The following SERPINB13 variants were observed in gnomAD, a reference collection of about 807,000 sequenced individuals.
SERPINB13 encodes the protein serpin family B member 13, also known as serpin B13.
A neutral mutation model predicts 31.2 loss-of-function variants in SERPINB13; 26 were observed. The ratio of observed to expected loss-of-function variants is 0.83; its 90% CI spans 0.61 to 1.15. The LOEUF is 1.15. SERPINB13 is among the 50% of genes most tolerant of loss of function. The pLI is 0.00. For synonymous variants in SERPINB13, 191 were observed against 172.4 expected (o/e 1.11, Z -0.85); for missense variants, 510 against 469.4 (o/e 1.09, Z -0.80).
chr18:63,597,563 C>T lies in SERPINB13; in HGVS notation c.*200C>T. ...AAAGTGAAATGTCCTTTTCTTTGTG[C>T]CATGCGTAAGGTGAGTCAAACCAAA... is the stretch of plus-strand genomic sequence containing the variant. On this transcript the variant is annotated 3_prime_UTR_variant, in exon 8 of 8. Coordinates refer to ENST00000344731, the MANE Select transcript of SERPINB13 (RefSeq NM_012397.4). 3.4e-6 allele frequency: 2 copies of T among 592,304 alleles called. No homozygotes were observed. Among genetic ancestry groups the T allele is most frequent in the East Asian group, 5.9e-5 (2 of 33,970 alleles). 36.7% of individuals were successfully genotyped at this position (592,304 alleles called of 1,614,324 possible).
chr18:63,595,657 TA>T (rs1194870579), intron 7 of SERPINB13, among the ~76,000 whole-genome samples: 6 of 152,130 alleles, frequency 3.9e-5, no homozygotes, highest in African/African-American at 1.4e-4. Flanking sequence ...CCCAGCACTT[TA>T]GGAGGCTGAG....
At position 63,596,947 on chromosome 18, in the gene SERPINB13, T is replaced by G; in HGVS notation, c.772-12T>G. 6.3e-7 allele frequency: 1 copy of G among 1,580,180 alleles called. No homozygotes were observed. On this transcript the variant is annotated splice_polypyrimidine_tract_variant and intron_variant, in intron 7 of 7. Coordinates refer to ENST00000344731, the MANE Select transcript of SERPINB13 (RefSeq NM_012397.4). ...TAATCATGCCATTCTACTCTTCTTT[T>G]TTTGAAAATAGATAATAGATAAAAT...
Position 63,594,374 on chromosome 18 carries a change from C to A in SERPINB13, c.492C>A (p.Phe164Leu), listed in dbSNP as rs762507739. Residue 164 changes from phenylalanine (F) to leucine (L), a missense_variant, in exon 6 of 8, where the codon TTC (phenylalanine) becomes TTA (leucine). Coordinates refer to ENST00000344731, the MANE Select transcript of SERPINB13 (RefSeq NM_012397.4). ...SKTNEKIKDLFPDGSISSSTK... is the reference protein window; with the variant it reads ...SKTNEKIKDLLPDGSISSSTK... ...TTGCAGAAAAAATCAAGGACTTGTT[C>A]CCAGATGGCTCTATTAGTAGCTCTA... 1 of 1,613,946 alleles carries A rather than the reference C, an allele frequency of 6.2e-7. No individual in the cohort carries two copies. Among genetic ancestry groups the A allele is most frequent in the African/African-American group, 1.3e-5 (1 of 74,992 alleles).
chr18:63,598,448 C>T lies in SERPINB13; in HGVS notation c.*1085C>T, dbSNP rs2144421238. ...TATTAATATTCCCAATCCTAGGCAC[C>T]ACTGAGTTGTTTTCTGTCTTTATAA... On this transcript the variant is annotated 3_prime_UTR_variant, in exon 8 of 8. Transcript: ENST00000344731. 6.6e-6 allele frequency: 1 copy of T among 152,224 alleles called. No homozygotes were observed. Among genetic ancestry groups the T allele is most frequent in the African/African-American group, 2.4e-5 (1 of 41,542 alleles). The allele number at this position is 152,224 out of a possible 1,614,324, so 9.4% of individuals were successfully genotyped here.
At chr18:63,594,133 C>G in intron 5 of SERPINB13, 1 of 1,449,288 alleles carries the variant, frequency 6.9e-7, no homozygotes, top group Non-Finnish European at 9.2e-7. Context: ...AGTCTGGACT[C>G]TTAACCATGA....
chr18:63,598,997 C>T lies in SERPINB13; in HGVS notation c.*1634C>T, dbSNP rs916751144. 1 of 152,092 alleles carries T rather than the reference C, an allele frequency of 6.6e-6. No individual in the cohort carries two copies. Among genetic ancestry groups the T allele is most frequent in the Non-Finnish European group, 1.5e-5 (1 of 67,998 alleles). 9.4% of individuals were successfully genotyped at this position (152,092 alleles called of 1,614,324 possible). On this transcript the variant is annotated 3_prime_UTR_variant, in exon 8 of 8. Transcript: ENST00000344731. ...GTTTTAATTTGCATTTCCATAATAT[C>T]TAATTAGGTTGAGCTTTTTTTATGT...
At chr18:63,589,790 T>C (rs988855123) in intron 3 of SERPINB13, 75 bp downstream of exon 3, 8 of 1,607,264 alleles carry the variant, frequency 5.0e-6, no homozygotes, top group Non-Finnish European at 5.9e-6. Flanking sequence ...ATTTTAGGTG[T>C]GGGGTCTCTG....
At position 63,588,762 on chromosome 18, in the gene SERPINB13, T is replaced by G; in HGVS notation, c.95T>G (p.Val32Gly). Reference sequence around the variant, plus strand: ...GATGGCAACATCTTCTTTTCCCCTGTGGGCATCTTGACTGCAATTGGCATG... The same window carrying G: ...GATGGCAACATCTTCTTTTCCCCTGGGGGCATCTTGACTGCAATTGGCATG... ...TNDGNIFFSP[V>G]GILTAIGMVL... The change falls in exon 2 of 8, where the codon GTG becomes GGG. Residue 32 changes from valine to glycine, a missense_variant. Coordinates refer to ENST00000344731, the MANE Select transcript of SERPINB13 (RefSeq NM_012397.4). The G allele has an allele frequency of 1.2e-6, 2 of 1,614,182 alleles. No homozygotes were observed. Among genetic ancestry groups the G allele is most frequent in the African/African-American group, 2.7e-5 (2 of 75,054 alleles).
rs1911871035 is a variant in SERPINB13 at position 63,591,809 on chromosome 18, T to C, written c.226-539T>C. On this transcript the variant is annotated intron_variant, in intron 3 of 7. Transcript: ENST00000344731. ...TTAAGGTAACATAGAATATGAAAAC[T>C]TCAATCAGAAAACTGATGGGTCCTA... 2.0e-5 allele frequency among the ~76,000 whole-genome samples: 3 copies of C among 152,182 alleles called. No homozygotes were observed. The South Asian group carries it at 6.2e-4, about 32-fold the overall frequency.
intron 6 of SERPINB13, 70 bp from the exon 7 acceptor site, chr18:63,594,959 C>A: frequency 1.4e-6 from 2 of 1,408,668 alleles, no homozygotes; most frequent in Non-Finnish European, 1.9e-6. Flanking sequence ...TTTTGATGAA[C>A]TAACTTGGTT....
chr18:63,589,303 G>A (rs983684787), intron 2 of SERPINB13, among the ~76,000 whole-genome samples: 7 of 152,154 alleles, frequency 4.6e-5, no homozygotes, highest in African/African-American at 1.7e-4. Flanking sequence ...TTACAGGCAT[G>A]AGCTTAGCTG....
chr18:63,598,674 G>C lies in SERPINB13; in HGVS notation c.*1311G>C, dbSNP rs1483844525. 2 of 152,144 alleles carry C rather than the reference G, an allele frequency of 1.3e-5. No homozygotes were observed. The highest frequency in any genetic ancestry group is 2.9e-5 in the Non-Finnish European group (2 of 68,008). The allele number at this position is 152,144 out of a possible 1,614,324, so 9.4% of individuals were successfully genotyped here. A position where few individuals can be genotyped will look rare whatever the true frequency, so the allele number is the denominator to read the frequency against. On this transcript the variant is annotated 3_prime_UTR_variant, in exon 8 of 8. Transcript: ENST00000344731. ...AGGTTCACCAGTTGAGGGACATTTG[G>C]ATTGTTCCCACTTCTTGGCTGTTAG...
In SERPINB13 at chr18:63,588,790, C is replaced by A; in HGVS notation, c.123C>A (p.Val41=). 6.2e-7 allele frequency: 1 copy of A among 1,614,140 alleles called. No homozygotes were observed. Among genetic ancestry groups the A allele is most frequent in the Admixed American group, 1.7e-5 (1 of 60,022 alleles). ...GCATCTTGACTGCAATTGGCATGGT[C>A]CTCCTGGGGACCCGAGGAGCCACCG... ...PVGILTAIGM[V]LLGTRGATAS... is the part of the protein sequence containing the mutation. The change falls in exon 2 of 8, where the codon GTC becomes GTA. Residue 41 remains valine, a synonymous_variant. Transcript: ENST00000344731.
intron 1 of SERPINB13, among the ~76,000 whole-genome samples, chr18:63,588,302 G>C (rs1403902309): frequency 6.6e-6 from 1 of 152,184 alleles, no homozygotes; most frequent in Non-Finnish European, 1.5e-5. Context: ...GACAAGGGCT[G>C]GGTCTACCTG....
In SERPINB13 at chr18:63,595,150, T is replaced by C. The variant is rs776409467; in HGVS notation, c.737T>C (p.Val246Ala). The C allele has an allele frequency of 1.9e-6, 3 of 1,613,792 alleles. No homozygotes were observed. In the Admixed American group the frequency reaches 5.0e-5, roughly 27 times the overall value. Residue 246 changes from valine (V) to alanine (A), a missense_variant, in exon 7 of 8, where the codon GTG (valine) becomes GCG (alanine). Transcript: ENST00000344731. ...PYKNNDLSMF[V>A]LLPNDIDGLE... ...AAAAACAACGACCTAAGCATGTTTG[T>C]GCTTCTGCCCAACGACATCGATGGC...
At position 63,594,920 on chromosome 18, in the gene SERPINB13, T is replaced by C. The variant is rs983654071; in HGVS notation, c.616-109T>C. 1.7e-5 allele frequency: 17 copies of C among 1,002,262 alleles called. No individual in the cohort carries two copies. In the East Asian group the frequency reaches 1.8e-4, roughly 11 times the overall value. 62.1% of individuals were successfully genotyped at this position (1,002,262 alleles called of 1,614,324 possible). On this transcript the variant is annotated intron_variant, in intron 6 of 7. Transcript: ENST00000344731. The stretch of plus-strand genomic sequence containing the variant: ...GGATGCTCATTCTGAGACTCTGATA[T>C]TGGGTTTTATTTTAGATTGAGCTAA...
intron 5 of SERPINB13, among the ~76,000 whole-genome samples, chr18:63,593,416 C>G (rs1033290317): frequency 6.6e-6 from 1 of 152,234 alleles, no homozygotes; most frequent in East Asian, 1.9e-4. Context: ...ATGAGAAACA[C>G]GCAGCTCTCC....
chr18:63,593,440 C>T (rs952200337), intron 5 of SERPINB13, among the ~76,000 whole-genome samples: 1 of 152,174 alleles, frequency 6.6e-6, no homozygotes, highest in African/African-American at 2.4e-5. Context: ...CAAGACTTGT[C>T]GTTCCCATCC....
intron 2 of SERPINB13, 107 bp downstream of exon 2, chr18:63,588,939 T>C: frequency 8.3e-7 from 1 of 1,201,476 alleles, no homozygotes; most frequent in Non-Finnish European, 1.1e-6. Flanking sequence ...TCTTGACCTG[T>C]GGACCAGGAA....
Sources: allele counts gnomAD v4.1 joint callset (sites outside exome capture counted in the v4.1 genomes callset), GRCh38; gene constraint gnomAD v4.1.1; transcripts MANE v1.5; gene names NCBI Gene and HGNC (gene_info 2026-07-23, HGNC 2026-07-21).